FARP1: variants seen among roughly 807,000 people sequenced by gnomAD.
FARP1 encodes the protein FERM, ARHGEF and pleckstrin domain-containing protein 1.
In FARP1, 52 loss-of-function variants were observed where a neutral mutation model predicts 128.8. The ratio of observed to expected loss-of-function variants is 0.40; its 90% CI spans 0.32 to 0.51. The LOEUF (loss-of-function observed/expected upper bound fraction) is 0.51, where lower values mean the gene tolerates loss of function less well. Ranked by LOEUF, FARP1 falls within the 20% of genes least tolerant of loss-of-function variation. The pLI is 0.45. For synonymous variants in FARP1, 580 were observed against 551.8 expected, an observed-to-expected ratio of 1.05 and a Z score of -0.72; for missense variants, 1,333 against 1,367.9, an observed-to-expected ratio of 0.97 and a Z score of 0.40.
At chr13:98,260,351 C>A (rs1288421932) in intron 2 of FARP1, among the ~76,000 whole-genome samples, 2 of 152,320 alleles carry the variant, frequency 1.3e-5, no homozygotes, top group East Asian at 3.9e-4. Context: ...CCCTCTGTTG[C>A]CTATTGATAG....
Position 98,144,686 on chromosome 13 carries a change from C to T in FARP1, c.-24+1194C>T, listed in dbSNP as rs192794091. ...GCGGAGCCCATTTCAGAACATCCTC[C>T]AGCATTGTCTTGCTTTTCTTATTCA... On this transcript the variant is annotated intron_variant, in intron 1 of 26. Coordinates refer to ENST00000319562, the MANE Select transcript of FARP1 (RefSeq NM_005766.4). Among the ~76,000 whole-genome samples the T allele has an allele frequency of 5.5e-4, 84 of 152,344 alleles. No homozygotes were observed. The East Asian group carries it at 0.015, about 27-fold the overall frequency.
chr13:98,202,797 A>C (rs285110), intron 1 of FARP1, among the ~76,000 whole-genome samples: 2 of 152,034 alleles, frequency 1.3e-5, no homozygotes, highest in Non-Finnish European at 2.9e-5. Context: ...ATAGCTCACC[A>C]CAGCCACAAA....
At chr13:98,267,034 A>G (rs1057292187) in intron 2 of FARP1, among the ~76,000 whole-genome samples, 17 of 148,738 alleles carry the variant, frequency 1.1e-4, no homozygotes, top group South Asian at 4.2e-4. Context: ...AAAAAAAAAA[A>G]GGGGTGGTAT....
Position 98,235,015 on chromosome 13 carries a change from A to G in FARP1, c.171+21602A>G, listed in dbSNP as rs1882336117. On this transcript the variant is annotated intron_variant, in intron 2 of 26. Transcript: ENST00000319562. ...TTTCTTTAGAGGATAAACAGAGCTAACTAGATTTCTTCCCATATCCCTCAT... is the reference window on the plus strand; with the variant it reads ...TTTCTTTAGAGGATAAACAGAGCTAGCTAGATTTCTTCCCATATCCCTCAT... Among the ~76,000 whole-genome samples the G allele has an allele frequency of 2.0e-5, 3 of 152,312 alleles. No homozygotes were observed. In the South Asian group the frequency reaches 6.2e-4, roughly 32 times the overall value.
rs1202078655 is a variant in FARP1, at chr13:98,451,596, T to C, written c.*3279T>C. 6.6e-6 allele frequency: 1 copy of C among 152,130 alleles called. No individual in the cohort carries two copies. The highest frequency in any genetic ancestry group is 6.5e-5 in the Admixed American group (1 of 15,270). The allele number at this position is 152,130 out of a possible 1,614,324, so 9.4% of individuals were successfully genotyped here. On this transcript the variant is annotated 3_prime_UTR_variant, in exon 27 of 27. Coordinates refer to ENST00000319562, the MANE Select transcript of FARP1 (RefSeq NM_005766.4). ...AGGGCTCTGTCCCCTCCCTATAGCT[T>C]AGAGGCCACTAGACCAGCAGATAGC...
chr13:98,446,840 C>G, intron 26 of FARP1, 23 bp downstream of exon 26: 3 of 1,612,748 alleles, frequency 1.9e-6, no homozygotes, highest in Non-Finnish European at 2.5e-6. Flanking sequence ...TTCCCACGCA[C>G]AGGGCCCTGC....
At chr13:98,351,251 A>G (rs1233013712) in intron 3 of FARP1, among the ~76,000 whole-genome samples, 1 of 152,136 alleles carries the variant, frequency 6.6e-6, no homozygotes. Flanking sequence ...TACCTGAATA[A>G]GAAATGTGCT....
chr13:98,286,618 T>C (rs573459670), intron 2 of FARP1, among the ~76,000 whole-genome samples: 1 of 152,170 alleles, frequency 6.6e-6, no homozygotes, highest in African/African-American at 2.4e-5. Flanking sequence ...CCTTTAAACC[T>C]CTTTCTTTTG....
At chr13:98,172,514 C>T (rs16955005) in intron 1 of FARP1, among the ~76,000 whole-genome samples, 36,815 of 151,924 alleles carry the variant, frequency 0.24, 4,627 homozygotes, top group Middle Eastern at 0.34. Flanking sequence ...TTAAAATGCT[C>T]GGCTATGAAA....
intron 5 of FARP1, among the ~76,000 whole-genome samples, chr13:98,372,135 G>A (rs1377336071): frequency 7.2e-6 from 1 of 138,970 alleles, no homozygotes; most frequent in African/African-American, 2.7e-5. Flanking sequence ...CGCCCAGGCT[G>A]GAGTGCAATG....
chr13:98,186,412 A>G (rs917371123), intron 1 of FARP1, among the ~76,000 whole-genome samples: 12 of 152,036 alleles, frequency 7.9e-5, no homozygotes, highest in African/African-American at 2.7e-4. Flanking sequence ...CTGGCGCTCC[A>G]GAACATTTTC....
At chr13:98,411,094 C>T (rs2140118236) in intron 15 of FARP1, among the ~76,000 whole-genome samples, 1 of 152,326 alleles carries the variant, frequency 6.6e-6, no homozygotes, top group South Asian at 2.1e-4. Flanking sequence ...CATCTGTGTG[C>T]ACCAGTCCAG....
chr13:98,230,849 C>T (rs1034437686), intron 2 of FARP1, among the ~76,000 whole-genome samples: 1 of 152,064 alleles, frequency 6.6e-6, no homozygotes, highest in African/African-American at 2.4e-5. Flanking sequence ...AAAGATATAC[C>T]AGAGACTGGG....
chr13:98,161,403 G>T (rs1876874214), intron 1 of FARP1, among the ~76,000 whole-genome samples: 1 of 151,824 alleles, frequency 6.6e-6, no homozygotes, highest in African/African-American at 2.4e-5. Context: ...TTTTAGTAGA[G>T]ACGGGGTTTC....
At chr13:98,446,378 A>C in intron 25 of FARP1, 173 bp downstream of exon 25, 1 of 603,548 alleles carries the variant, frequency 1.7e-6, no homozygotes, top group African/African-American at 1.9e-5. Context: ...TCTAGGGAAG[A>C]CTGACATTAT....
At chr13:98,374,974 A>G (rs1889518446) in intron 5 of FARP1, among the ~76,000 whole-genome samples, 1 of 152,218 alleles carries the variant, frequency 6.6e-6, no homozygotes, top group South Asian at 2.1e-4. Flanking sequence ...GGAGGTTATT[A>G]GTCTATTCAT....
At chr13:98,353,345 A>G (rs1179208397) in intron 3 of FARP1, among the ~76,000 whole-genome samples, 6 of 152,146 alleles carry the variant, frequency 3.9e-5, no homozygotes, top group Admixed American at 2.6e-4. Flanking sequence ...CCATCTAATA[A>G]TTCACTAAGC....
intron 2 of FARP1, among the ~76,000 whole-genome samples, chr13:98,336,446 A>G (rs1887748183): frequency 6.6e-6 from 1 of 151,896 alleles, no homozygotes; most frequent in African/African-American, 2.4e-5. Flanking sequence ...ATTTTTTTGT[A>G]TTTTTAGTAG....
rs1372795201 is a variant in FARP1, at chr13:98,448,472, C to CCGACCT, written c.*157_*162dup. On this transcript the variant is annotated 3_prime_UTR_variant, in exon 27 of 27. Transcript: ENST00000319562. ...GTCTCCACAGCCGCGTTTTTTAACC[C>CCGACCT]CGACCTCTCAGCGTCTGAATGAACA... is the stretch of plus-strand genomic sequence containing the variant. The CCGACCT allele has an allele frequency of 3.1e-6, 2 of 635,154 alleles. No homozygotes were observed. Among genetic ancestry groups the CCGACCT allele is most frequent in the East Asian group, 5.6e-5 (2 of 36,000 alleles). The allele number at this position is 635,154 out of a possible 1,614,324, so 39.3% of individuals were successfully genotyped here.
Sources: gnomAD v4.1 joint callset for allele counts (sites outside exome capture counted in the v4.1 genomes callset) on GRCh38, gnomAD v4.1.1 for gene constraint, MANE v1.5 for transcripts, NCBI Gene and HGNC (gene_info 2026-07-23, HGNC 2026-07-21) for gene names.